Variants in KALRN observed in about 807,000 individuals in gnomAD.
KALRN encodes kalirin RhoGEF kinase, also known as kalirin.
Under a neutral mutation model 353.7 loss-of-function variants are expected in KALRN, and 70 were observed. The observed-to-expected ratio is 0.20, with a 90% CI of 0.16 to 0.24. KALRN has a LOEUF of 0.24. KALRN is among the 10% of genes least tolerant of loss of function. KALRN has a pLI of 1.00. For synonymous variants in KALRN, 1,391 were observed against 1,434.8 expected, an observed-to-expected ratio of 0.97 and a Z score of 0.69; for missense variants, 2,791 against 3,756.7, an observed-to-expected ratio of 0.74 and a Z score of 6.72.
At chr3:124,269,449 C>T (rs2073918240) in intron 5 of KALRN, among the ~76,000 whole-genome samples, 194 bp downstream of exon 5, 1 of 152,178 alleles carries the variant, frequency 6.6e-6, no homozygotes, top group East Asian at 1.9e-4. Flanking sequence ...GTTCTAAGCA[C>T]TGTGTGTAAA....
At chr3:124,703,154 C>T (rs2062426961) in intron 57 of KALRN, among the ~76,000 whole-genome samples, 1 of 152,170 alleles carries the variant, frequency 6.6e-6, no homozygotes, top group African/African-American at 2.4e-5. Flanking sequence ...GTGGTTGTGA[C>T]CGACGTTGTA....
intron 14 of KALRN, among the ~76,000 whole-genome samples, chr3:124,420,644 G>A (rs532743644): frequency 3.2e-4 from 48 of 152,186 alleles, no homozygotes; most frequent in Admixed American, 2.0e-3. Context: ...GATATTTCAG[G>A]AGCTAGGACT....
intron 1 of KALRN, among the ~76,000 whole-genome samples, chr3:124,068,108 A>G (rs1237520717): frequency 6.6e-6 from 1 of 152,236 alleles, no homozygotes; most frequent in Admixed American, 6.5e-5. Flanking sequence ...CTGAGTGGCT[A>G]GTCTGAAAAT....
At position 124,282,965 on chromosome 3, in the gene KALRN, TCAAGGTCAGGCC is replaced by T. The variant is rs2075496759; in HGVS notation, c.969+13713_969+13724del. 2.0e-5 allele frequency among the ~76,000 whole-genome samples: 3 copies of T among 152,234 alleles called. No individual in the cohort carries two copies. The South Asian group carries it at 6.2e-4, about 32-fold the overall frequency. Reference sequence around the variant, plus strand: ...GGGGTGCCTAGTCCTCCTCCTAAGCTCAAGGTCAGGCCCACCTAGCACATACCAGCATAGCTA... The same window carrying T: ...GGGGTGCCTAGTCCTCCTCCTAAGCTCACCTAGCACATACCAGCATAGCTA... On this transcript the variant is annotated intron_variant, in intron 5 of 59. Coordinates refer to ENST00000682506, the MANE Select transcript of KALRN (RefSeq NM_001388419.1).
At chr3:124,386,650 G>A (rs547264600) in intron 11 of KALRN, among the ~76,000 whole-genome samples, 1 of 152,190 alleles carries the variant, frequency 6.6e-6, no homozygotes, top group South Asian at 2.1e-4. Context: ...TGGCCCTAAG[G>A]CCCCTTATGG....
intron 10 of KALRN, among the ~76,000 whole-genome samples, chr3:124,359,944 G>A (rs912310670): frequency 6.6e-6 from 1 of 152,252 alleles, no homozygotes; most frequent in African/African-American, 2.4e-5. Context: ...GGACAGATCA[G>A]CTGCAGGTAC....
intron 1 of KALRN, among the ~76,000 whole-genome samples, chr3:124,122,462 A>G (rs577171077): frequency 1.3e-5 from 2 of 152,352 alleles, no homozygotes; most frequent in South Asian, 4.1e-4. Flanking sequence ...TGTTTTGCAA[A>G]TTGAAGTTTT....
intron 33 of KALRN, among the ~76,000 whole-genome samples, chr3:124,507,779 A>G (rs2065396836): frequency 6.6e-6 from 1 of 152,222 alleles, no homozygotes; most frequent in South Asian, 2.1e-4. Flanking sequence ...GCCTCAGAGA[A>G]GTTACAAAGA....
rs1332248841 is a variant in KALRN at position 124,220,957 on chromosome 3, C to G, written c.74-7033C>G. On this transcript the variant is annotated intron_variant, in intron 1 of 59. Coordinates refer to ENST00000682506, the MANE Select transcript of KALRN (RefSeq NM_001388419.1). ...GCCAAGCCCTGTTCAGGAGCCACAG[C>G]CTTCTTCTGGGACCAGCCAGATTCC... 2.0e-5 allele frequency among the ~76,000 whole-genome samples: 3 copies of G among 152,320 alleles called. No homozygotes were observed. In the East Asian group the frequency reaches 5.8e-4, roughly 29 times the overall value.
At chr3:124,072,181 T>C (rs555498879) in intron 1 of KALRN, among the ~76,000 whole-genome samples, 2 of 152,310 alleles carry the variant, frequency 1.3e-5, no homozygotes, top group South Asian at 2.1e-4. Flanking sequence ...AAGTAGTGGA[T>C]ATCAATTTTC....
chr3:124,231,431 C>A (rs2079137715), intron 2 of KALRN, among the ~76,000 whole-genome samples: 1 of 152,198 alleles, frequency 6.6e-6, no homozygotes, highest in South Asian at 2.1e-4. Context: ...CTCTCTGCCT[C>A]CCTATCTCCC....
intron 31 of KALRN, chr3:124,491,632 T>C: frequency 2.6e-6 from 1 of 388,636 alleles, no homozygotes; most frequent in East Asian, 3.9e-5. Flanking sequence ...CTCAAGTGCA[T>C]GCACATGTGT....
intron 58 of KALRN, among the ~76,000 whole-genome samples, chr3:124,715,685 C>T (rs569577734): frequency 7.2e-5 from 11 of 152,214 alleles, no homozygotes; most frequent in Non-Finnish European, 1.3e-4. Flanking sequence ...AAGAGGTAAA[C>T]TTGACCAGGG....
chr3:124,137,320 A>G (rs1010754310), intron 1 of KALRN, among the ~76,000 whole-genome samples: 1 of 152,168 alleles, frequency 6.6e-6, no homozygotes, highest in Non-Finnish European at 1.5e-5. Flanking sequence ...CAAGTCCATA[A>G]GAGTGGGGAG....
chr3:124,541,475 A>T (rs938313510), intron 33 of KALRN, among the ~76,000 whole-genome samples: 1 of 152,010 alleles, frequency 6.6e-6, no homozygotes, highest in African/African-American at 2.4e-5. Context: ...AAATTAAAAA[A>T]AAAACCCATA....
chr3:124,224,831 AAGGTTT>A (rs1243558043), intron 1 of KALRN, among the ~76,000 whole-genome samples: 2 of 152,144 alleles, frequency 1.3e-5, no homozygotes, highest in Non-Finnish European at 2.9e-5. Context: ...ATATGAAGAG[AAGGTTT>A]AGAAAGTCTC....
At chr3:124,239,370 C>T (rs889532669) in intron 3 of KALRN, among the ~76,000 whole-genome samples, 13 of 152,158 alleles carry the variant, frequency 8.5e-5, no homozygotes, top group African/African-American at 3.1e-4. Context: ...CATTGAATTC[C>T]TCTTCATCAT....
chr3:124,583,541 G>A (rs17226259), intron 34 of KALRN, among the ~76,000 whole-genome samples: 20,548 of 152,212 alleles, frequency 0.13, 1,688 homozygotes, highest in Middle Eastern at 0.21. Flanking sequence ...GTCTTGCACC[G>A]TAAGTAAGAT....
intron 45 of KALRN, 79 bp from the exon 46 acceptor site, chr3:124,666,370 G>A: frequency 7.6e-7 from 1 of 1,321,476 alleles, no homozygotes; most frequent in East Asian, 2.3e-5. Context: ...TCCCCAGATG[G>A]GGAGGTTCTG....
Sources: gnomAD v4.1 joint callset for allele counts (sites outside exome capture counted in the v4.1 genomes callset) on GRCh38, gnomAD v4.1.1 for gene constraint, MANE v1.5 for transcripts, NCBI Gene and HGNC (gene_info 2026-07-23, HGNC 2026-07-21) for gene names.